The following NCKAP1 variants were observed in gnomAD, a reference collection of about 807,000 sequenced individuals.
NCKAP1 encodes NCK associated protein 1, also known as nck-associated protein 1.
In NCKAP1, 21 loss-of-function variants were observed where a neutral mutation model predicts 151.2. The ratio of observed to expected loss-of-function variants is 0.14; its 90% CI spans 0.10 to 0.20. The LOEUF (loss-of-function observed/expected upper bound fraction) is 0.20, where lower values mean the gene tolerates loss of function less well. Among genes scored for constraint, NCKAP1 ranks in the 10% least tolerant of loss-of-function variants. The pLI is 1.00. For synonymous variants in NCKAP1, 484 were observed against 451.8 expected (o/e 1.07, Z -0.90); for missense variants, 933 against 1,352.1 (o/e 0.69, Z 4.86).
At position 182,989,047 on chromosome 2, in the gene NCKAP1, T is replaced by G; in HGVS notation, c.930A>C (p.Leu310Phe). ...VFHIHKAAEDLFVNIRGYNKR... is the reference protein window; with the variant it reads ...VFHIHKAAEDFFVNIRGYNKR... ...TGCCATACCCTCGTATGTTTACAAA[T>G]AAGTCTTCTGCAGCTTTGTGAATGT... The change falls in exon 9 of 31, where the codon TTA becomes TTC. Residue 310 changes from leucine to phenylalanine, a missense_variant. Leu to Phe is a conservative substitution (Grantham distance 22). Around this residue, in one of 2 missense-constraint regions of NCKAP1, gnomAD observed 607 missense variants for 795.0 expected, o/e 0.76. Coordinates refer to ENST00000361354, the MANE Select transcript of NCKAP1 (RefSeq NM_013436.5). 1 of 1,612,008 alleles carries G rather than the reference T, an allele frequency of 6.2e-7. No individual in the cohort carries two copies. Among genetic ancestry groups the G allele is most frequent in the Non-Finnish European group, 8.5e-7 (1 of 1,179,526 alleles).
chr2:182,991,088 AGT>A (rs779280961), intron 8 of NCKAP1, among the ~76,000 whole-genome samples: 9 of 152,232 alleles, frequency 5.9e-5, no homozygotes, highest in Non-Finnish European at 8.8e-5. Flanking sequence ...GATTTCACTT[AGT>A]GTCTTACACC....
chr2:182,988,911 A>C, intron 9 of NCKAP1, 119 bp downstream of exon 9: 1 of 733,354 alleles, frequency 1.4e-6, no homozygotes, highest in South Asian at 3.0e-5. Context: ...TCCAAGTCAG[A>C]TGGTATAGGC....
chr2:182,918,513 A>C lies in NCKAP1; in HGVS notation c.*7189T>G, dbSNP rs1696499971. 3 of 152,236 alleles carry C rather than the reference A, an allele frequency of 2.0e-5. No homozygotes were observed. The South Asian group carries it at 6.2e-4, about 31-fold the overall frequency. 9.4% of individuals were successfully genotyped at this position (152,236 alleles called of 1,614,324 possible). On this transcript the variant is annotated 3_prime_UTR_variant, in exon 31 of 31. Transcript: ENST00000361354. ...CGGAATACTGTTCAGCCATAAAAAA[A>C]GAAACAATGTCTTTTTGCAGCAACT...
intron 27 of NCKAP1, among the ~76,000 whole-genome samples, chr2:182,930,229 T>C (rs187908464): frequency 1.4e-3 from 216 of 152,072 alleles, no homozygotes; most frequent in African/African-American, 5.0e-3. Context: ...CTACTCAGCC[T>C]TTTGCCCATA....
At chr2:182,952,705 C>A in intron 22 of NCKAP1, 88 bp downstream of exon 22, 1 of 1,370,432 alleles carries the variant, frequency 7.3e-7, no homozygotes, top group Admixed American at 2.5e-5. Context: ...GAAATAGTCA[C>A]AACAGAATCA....
At chr2:182,971,343 G>A (rs373659817) in intron 15 of NCKAP1, among the ~76,000 whole-genome samples, 4 of 137,808 alleles carry the variant, frequency 2.9e-5, no homozygotes, top group East Asian at 2.1e-4. Context: ...GCAGTGAGCC[G>A]AGATCCCACC....
chr2:182,967,971 T>C (rs1377726120), intron 15 of NCKAP1, among the ~76,000 whole-genome samples: 1 of 152,088 alleles, frequency 6.6e-6, no homozygotes, highest in Non-Finnish European at 1.5e-5. Flanking sequence ...TGTCCATGGA[T>C]AGGGCACATT....
rs1006618077 is a variant in NCKAP1 at position 182,917,162 on chromosome 2, T to C, written c.*8540A>G. On this transcript the variant is annotated 3_prime_UTR_variant, in exon 31 of 31. Coordinates refer to ENST00000361354, the MANE Select transcript of NCKAP1 (RefSeq NM_013436.5). ...TTACAATAGCCCTTTAAAGTAGATA[T>C]TATCCACATTCTACACTTAGGGAAA... is the stretch of plus-strand genomic sequence containing the variant. 2.0e-5 allele frequency: 3 copies of C among 152,208 alleles called. No homozygotes were observed. Among genetic ancestry groups the C allele is most frequent in the Non-Finnish European group, 4.4e-5 (3 of 68,030 alleles). 9.4% of individuals were successfully genotyped at this position (152,208 alleles called of 1,614,324 possible). A position where few individuals can be genotyped will look rare whatever the true frequency, so the allele number is the denominator to read the frequency against.
intron 13 of NCKAP1, among the ~76,000 whole-genome samples, chr2:182,979,166 A>G (rs1287961569): frequency 6.6e-6 from 1 of 152,156 alleles, no homozygotes; most frequent in Non-Finnish European, 1.5e-5. Flanking sequence ...AGGAAAATTT[A>G]TATGAAAAAG....
chr2:182,935,490 C>T (rs1575015558), intron 24 of NCKAP1, 115 bp from the exon 25 acceptor site: 6 of 563,194 alleles, frequency 1.1e-5, no homozygotes, highest in East Asian at 9.6e-5. Context: ...TGATAAAAGG[C>T]ACAATTAACA....
rs1046023597 is a variant in NCKAP1, at chr2:182,912,012, C to CT, written c.*13689dup. 4 of 152,118 alleles carry CT rather than the reference C, an allele frequency of 2.6e-5. No individual in the cohort carries two copies. The highest frequency in any genetic ancestry group is 9.7e-5 in the African/African-American group (4 of 41,410). 9.4% of individuals were successfully genotyped at this position (152,118 alleles called of 1,614,324 possible). On this transcript the variant is annotated 3_prime_UTR_variant, in exon 31 of 31. Coordinates refer to ENST00000361354, the MANE Select transcript of NCKAP1 (RefSeq NM_013436.5). ...AAATGCAAACAAATCGGCAAATGGA[C>CT]TTAGCCCTTGAAAGCTTATGTCCAG... is the stretch of plus-strand genomic sequence containing the variant.
At chr2:182,967,038 C>G (rs1697586377) in intron 16 of NCKAP1, among the ~76,000 whole-genome samples, 178 bp downstream of exon 16, 1 of 152,162 alleles carries the variant, frequency 6.6e-6, no homozygotes, top group South Asian at 2.1e-4. Context: ...GACATAAAAT[C>G]CCAACTTGGT....
intron 1 of NCKAP1, among the ~76,000 whole-genome samples, chr2:183,028,293 C>T (rs1307099081): frequency 6.6e-6 from 1 of 151,946 alleles, no homozygotes; most frequent in East Asian, 1.9e-4. Flanking sequence ...CCCCCAAGTA[C>T]CCTGTTTTAC....
At chr2:182,952,751 A>C (rs1259445883) in intron 22 of NCKAP1, 42 bp downstream of exon 22, 1 of 1,517,194 alleles carries the variant, frequency 6.6e-7, no homozygotes, top group Non-Finnish European at 8.9e-7. Flanking sequence ...CAAAAGAATT[A>C]AGTGTTCTTC....
In NCKAP1 at chr2:182,911,677, G is replaced by C. The variant is rs1167640947; in HGVS notation, c.*14025C>G. The C allele has an allele frequency of 6.6e-6, 1 of 151,528 alleles. No individual in the cohort carries two copies. The highest frequency in any genetic ancestry group is 1.5e-5 in the Non-Finnish European group (1 of 67,916). 9.4% of individuals were successfully genotyped at this position (151,528 alleles called of 1,614,324 possible). On this transcript the variant is annotated 3_prime_UTR_variant, in exon 31 of 31. Coordinates refer to ENST00000361354, the MANE Select transcript of NCKAP1 (RefSeq NM_013436.5). ...TCCTTTTTTTTCTCCCAAGCTGTTTGAGCTTTTATGTTAACACCTATACTA... is the reference window on the plus strand; with the variant it reads ...TCCTTTTTTTTCTCCCAAGCTGTTTCAGCTTTTATGTTAACACCTATACTA...
At chr2:183,013,681 T>G (rs1698631380) in intron 2 of NCKAP1, among the ~76,000 whole-genome samples, 1 of 152,114 alleles carries the variant, frequency 6.6e-6, no homozygotes, top group African/African-American at 2.4e-5. Flanking sequence ...ATTCCCCTAC[T>G]ACTCCCCTCC....
rs752139870 is a variant in NCKAP1, at chr2:182,917,051, C to T, written c.*8651G>A. On this transcript the variant is annotated 3_prime_UTR_variant, in exon 31 of 31. Transcript: ENST00000361354. ...AGCCTAATAATACTGGAGAAACTACCACCATTTACACTGAATGCCTACTTT... is the reference window on the plus strand; with the variant it reads ...AGCCTAATAATACTGGAGAAACTACTACCATTTACACTGAATGCCTACTTT... The T allele has an allele frequency of 1.3e-5, 2 of 152,160 alleles. No homozygotes were observed. The highest frequency in any genetic ancestry group is 2.9e-5 in the Non-Finnish European group (2 of 68,020). The allele number at this position is 152,160 out of a possible 1,614,324, so 9.4% of individuals were successfully genotyped here.
chr2:182,971,120 C>A (rs1042994043), intron 15 of NCKAP1, among the ~76,000 whole-genome samples: 1 of 152,034 alleles, frequency 6.6e-6, no homozygotes, highest in African/African-American at 2.4e-5. Flanking sequence ...ATCGGCCGGG[C>A]GCGGTGGCTC....
intron 10 of NCKAP1, among the ~76,000 whole-genome samples, chr2:182,985,416 G>GAAA (rs1698033590): frequency 6.6e-6 from 1 of 152,042 alleles, no homozygotes. Context: ...CTGGAAAGTT[G>GAAA]TTCAAAGATT....
Sources: gnomAD v4.1 joint callset for allele counts (sites outside exome capture counted in the v4.1 genomes callset) on GRCh38, gnomAD v4.1.1 for gene constraint, gnomAD v4.1.1 regional missense constraint, MANE v1.5 for transcripts, NCBI Gene and HGNC (gene_info 2026-07-23, HGNC 2026-07-21) for gene names.